OR2L13: variants seen among roughly 807,000 people sequenced by gnomAD.
OR2L13 encodes olfactory receptor family 2 subfamily L member 13.
A neutral mutation model predicts 15.3 loss-of-function variants in OR2L13; 14 were observed. The observed-to-expected ratio is 0.91, with a 90% CI of 0.60 to 1.43. The LOEUF (loss-of-function observed/expected upper bound fraction) is 1.43, where lower values mean the gene tolerates loss of function less well. Among genes scored for constraint, OR2L13 ranks in the 40% most tolerant of loss-of-function variants. OR2L13 has a pLI of 0.00. For synonymous variants in OR2L13, 152 were observed against 142.9 expected (o/e 1.06, Z -0.45); for missense variants, 367 against 387.9 (o/e 0.95, Z 0.45).
chr1:248,039,851 G>A, the OR2L13 span: 3 of 152,048 alleles, frequency 2.0e-5, no homozygotes, highest in African/African-American at 4.8e-5. Context: ...TTTTCTTAAA[G>A]TAATGTTTTA....
the OR2L13 span, among the ~76,000 whole-genome samples, chr1:247,976,537 T>C: frequency 1.3e-5 from 2 of 152,238 alleles, no homozygotes; most frequent in Non-Finnish European, 2.9e-5. Flanking sequence ...TGGAAAGTGC[T>C]GTATAATTTG....
chr1:247,993,352 T>TTC, the OR2L13 span, among the ~76,000 whole-genome samples: 1 of 151,856 alleles, frequency 6.6e-6, no homozygotes, highest in African/African-American at 2.4e-5. Flanking sequence ...GTTTTTTTTT[T>TTC]TTTTCTGTGC....
At chr1:247,989,764 G>A in the OR2L13 span, among the ~76,000 whole-genome samples, 1 of 151,974 alleles carries the variant, frequency 6.6e-6, no homozygotes, top group African/African-American at 2.4e-5. Flanking sequence ...TGCTTTTTGT[G>A]GTTTCTCCTG....
At chr1:248,079,179 A>AT in the OR2L13 span, among the ~76,000 whole-genome samples, 73 of 152,286 alleles carry the variant, frequency 4.8e-4, 1 homozygote, top group African/African-American at 1.6e-3. Context: ...TACCAAAATG[A>AT]ATTTCCTGGG....
chr1:248,099,511 C>T (rs372766464), exon 3 of OR2L13: 297 of 1,613,852 alleles, frequency 1.8e-4, no homozygotes, highest in Non-Finnish European at 2.5e-4. Flanking sequence ...GGCCATGATT[C>T]ACCTCATCCA....
the OR2L13 span, among the ~76,000 whole-genome samples, chr1:247,973,704 A>C: frequency 1.8e-4 from 27 of 152,344 alleles, no homozygotes; most frequent in South Asian, 3.3e-3. Context: ...TCATTAGAGA[A>C]ATGCAAATCA....
the OR2L13 span, among the ~76,000 whole-genome samples, chr1:247,968,196 C>A: frequency 6.6e-6 from 1 of 151,984 alleles, no homozygotes; most frequent in Non-Finnish European, 1.5e-5. Context: ...GAGAATATGA[C>A]TCCACTTTTA....
At chr1:247,967,688 T>TC in the OR2L13 span, among the ~76,000 whole-genome samples, 160 of 152,176 alleles carry the variant, frequency 1.1e-3, no homozygotes, top group Non-Finnish European at 1.8e-3. Flanking sequence ...TTCTTTTTCC[T>TC]CCCCCCTTAC....
At chr1:248,027,169 T>C in the OR2L13 span, among the ~76,000 whole-genome samples, 2 of 152,196 alleles carry the variant, frequency 1.3e-5, no homozygotes, top group African/African-American at 2.4e-5. Flanking sequence ...GGCTGTCTTT[T>C]ACAGTCATAG....
chr1:248,006,241 ATATGTGTGTG>A, the OR2L13 span, among the ~76,000 whole-genome samples: 2 of 127,822 alleles, frequency 1.6e-5, no homozygotes, highest in African/African-American at 6.3e-5. Flanking sequence ...ATATTGCAAG[ATATGTGTGTG>A]TGTGTGTGTG....
chr1:248,015,813 G>T, the OR2L13 span, among the ~76,000 whole-genome samples: 4 of 152,098 alleles, frequency 2.6e-5, no homozygotes, highest in Non-Finnish European at 4.4e-5. Context: ...CTATGCAAAT[G>T]ATCATACCAA....
At chr1:248,069,989 C>T in the OR2L13 span, among the ~76,000 whole-genome samples, 1 of 151,910 alleles carries the variant, frequency 6.6e-6, no homozygotes, top group East Asian at 1.9e-4. Context: ...TCCTGAGTGA[C>T]CTACAAAGAG....
chr1:248,076,064 G>T, the OR2L13 span, among the ~76,000 whole-genome samples: 22,918 of 152,054 alleles, frequency 0.15, 3,293 homozygotes, highest in African/African-American at 0.38. Flanking sequence ...GCTTTCTACA[G>T]ATGGCTAGCC....
the OR2L13 span, chr1:247,966,362 G>A: frequency 6.3e-7 from 1 of 1,581,908 alleles, no homozygotes. Context: ...AACATAAAAA[G>A]CTGTTCCTGA....
chr1:247,949,230 A>G, the OR2L13 span: 2 of 1,614,134 alleles, frequency 1.2e-6, no homozygotes, highest in Non-Finnish European at 1.7e-6. Context: ...TTACATTGCT[A>G]TTTGCTTTCC....
At chr1:247,955,518 T>C in the OR2L13 span, among the ~76,000 whole-genome samples, 1 of 152,076 alleles carries the variant, frequency 6.6e-6, no homozygotes, top group Non-Finnish European at 1.5e-5. Flanking sequence ...CCTGAGGAAT[T>C]GCCACATTGA....
At chr1:248,050,725 A>G in the OR2L13 span, among the ~76,000 whole-genome samples, 7 of 152,212 alleles carry the variant, frequency 4.6e-5, no homozygotes, top group Non-Finnish European at 8.8e-5. Flanking sequence ...TGTGTTAACA[A>G]TTTCAAATAT....
chr1:248,100,432 A>G, exon 3 of OR2L13: 1 of 476,480 alleles, frequency 2.1e-6, no homozygotes. Flanking sequence ...GGTACATTTA[A>G]GCAGTCAAAT....
chr1:248,010,763 G>GTTTTTTTTTTTTTTTTTTTTTTTTTTTT, the OR2L13 span, among the ~76,000 whole-genome samples: 1 of 44,462 alleles, frequency 2.2e-5, no homozygotes, highest in Non-Finnish European at 3.7e-5. Context: ...CTTTGTTGTT[G>GTTTTTTTTTTTTTTTTTTTTTTTTTTTT]TTTTTTTTTT....
Sources: allele counts gnomAD v4.1 joint callset (sites outside exome capture counted in the v4.1 genomes callset), GRCh38; gene constraint gnomAD v4.1.1; transcripts MANE v1.5; gene names NCBI Gene and HGNC (gene_info 2026-07-23, HGNC 2026-07-21).